The following SPAG16 variants were observed in gnomAD, a reference collection of about 807,000 sequenced individuals.
SPAG16 encodes the protein sperm associated antigen 16.
SPAG16 carries 86 observed loss-of-function variants against 80.4 expected under a neutral mutation model. The ratio of observed to expected loss-of-function variants is 1.07; its 90% CI spans 0.90 to 1.28. The LOEUF is 1.28. SPAG16 is among the 50% of genes most tolerant of loss of function. The pLI, the probability that SPAG16 is intolerant of heterozygous loss-of-function variation, is 0.00. For synonymous variants in SPAG16, 294 were observed against 265.9 expected, an observed-to-expected ratio of 1.11 and a Z score of -1.03; for missense variants, 870 against 765.3, an observed-to-expected ratio of 1.14 and a Z score of -1.61.
intron 15 of SPAG16, among the ~76,000 whole-genome samples, chr2:214,303,788 G>T (rs963843482): frequency 6.6e-6 from 1 of 151,526 alleles, no homozygotes; most frequent in Admixed American, 6.6e-5. Context: ...CAGTATTTAG[G>T]TTTTTTTTCC....
intron 9 of SPAG16, among the ~76,000 whole-genome samples, chr2:213,480,107 C>A (rs2125693909): frequency 6.6e-6 from 1 of 152,270 alleles, no homozygotes; most frequent in South Asian, 2.1e-4. Flanking sequence ...ATTATGGAAG[C>A]TTACAATAAG....
chr2:214,276,163 C>G (rs1038614026), intron 15 of SPAG16, among the ~76,000 whole-genome samples: 2 of 152,166 alleles, frequency 1.3e-5, no homozygotes, highest in Non-Finnish European at 2.9e-5. Flanking sequence ...CTTCCTCCAT[C>G]CATTTATTTT....
At chr2:214,052,509 C>T (rs1477005656) in intron 13 of SPAG16, among the ~76,000 whole-genome samples, 1 of 152,172 alleles carries the variant, frequency 6.6e-6, no homozygotes, top group Non-Finnish European at 1.5e-5. Flanking sequence ...GCCACAGACT[C>T]CACTGTTGAT....
chr2:213,318,449 A>G (rs538857898), intron 5 of SPAG16, among the ~76,000 whole-genome samples: 24 of 152,098 alleles, frequency 1.6e-4, no homozygotes, highest in African/African-American at 5.3e-4. Flanking sequence ...GAGCTAAGCA[A>G]TAAGTACATA....
chr2:213,556,693 GAA>G (rs2059437435), intron 10 of SPAG16, among the ~76,000 whole-genome samples: 2 of 152,128 alleles, frequency 1.3e-5, no homozygotes, highest in African/African-American at 4.8e-5. Context: ...ATCCAGACTA[GAA>G]AAATAATAAG....
intron 15 of SPAG16, among the ~76,000 whole-genome samples, chr2:214,333,638 G>C (rs972622086): frequency 1.3e-5 from 2 of 152,174 alleles, no homozygotes; most frequent in Non-Finnish European, 2.9e-5. Flanking sequence ...CTCTTCCAGA[G>C]AACATAATCA....
chr2:214,361,854 T>G (rs1912202), intron 15 of SPAG16, among the ~76,000 whole-genome samples: 111,924 of 151,788 alleles, frequency 0.74, 43,336 homozygotes, highest in South Asian at 0.87. Context: ...TCACCTCAAA[T>G]TATATTTCAC....
chr2:214,031,044 T>A (rs978875169), intron 13 of SPAG16, among the ~76,000 whole-genome samples: 3 of 152,178 alleles, frequency 2.0e-5, no homozygotes, highest in African/African-American at 7.2e-5. Flanking sequence ...GTTTCCAGTT[T>A]TTCTGCTCTG....
At chr2:213,332,698 A>C (rs1412186284) in intron 5 of SPAG16, among the ~76,000 whole-genome samples, 1 of 152,204 alleles carries the variant, frequency 6.6e-6, no homozygotes, top group Non-Finnish European at 1.5e-5. Context: ...GAATTATTCC[A>C]GGGATGCAAG....
chr2:213,960,495 C>G (rs1005468174), intron 12 of SPAG16, among the ~76,000 whole-genome samples: 2 of 152,008 alleles, frequency 1.3e-5, no homozygotes, highest in Admixed American at 1.3e-4. Flanking sequence ...AATGTGGTAA[C>G]TCTGGCAATC....
chr2:213,347,908 G>C (rs566263538), intron 6 of SPAG16, among the ~76,000 whole-genome samples: 1 of 152,062 alleles, frequency 6.6e-6, no homozygotes, highest in African/African-American at 2.4e-5. Context: ...AGGTCTGCTT[G>C]GTGTGGAGCT....
chr2:213,731,098 A>G (rs1166599950), intron 10 of SPAG16, among the ~76,000 whole-genome samples: 1 of 151,076 alleles, frequency 6.6e-6, no homozygotes, highest in Non-Finnish European at 1.5e-5. Context: ...AATATATTAT[A>G]CACAGTTAAT....
intron 10 of SPAG16, among the ~76,000 whole-genome samples, chr2:213,845,896 C>A (rs1041150690): frequency 8.5e-5 from 13 of 152,188 alleles, no homozygotes; most frequent in Admixed American, 2.0e-4. Context: ...TGTCTCTCAA[C>A]CTCCATCAGA....
chr2:214,397,597 T>C (rs1230783810), intron 15 of SPAG16, among the ~76,000 whole-genome samples: 1 of 152,180 alleles, frequency 6.6e-6, no homozygotes, highest in Non-Finnish European at 1.5e-5. Flanking sequence ...ATAGCCTCAC[T>C]GTAGATCAAG....
intron 10 of SPAG16, among the ~76,000 whole-genome samples, chr2:213,651,083 C>T (rs2063000214): frequency 6.6e-6 from 1 of 152,112 alleles, no homozygotes; most frequent in African/African-American, 2.4e-5. Flanking sequence ...AATTTAAAGC[C>T]ATGAGATTAT....
chr2:214,195,758 G>T (rs2057818006), intron 15 of SPAG16, among the ~76,000 whole-genome samples: 1 of 151,956 alleles, frequency 6.6e-6, no homozygotes, highest in African/African-American at 2.4e-5. Context: ...GCAAGTCTGA[G>T]ATTCCTATGA....
At chr2:213,910,439 C>T (rs923699840) in intron 11 of SPAG16, among the ~76,000 whole-genome samples, 4 of 151,888 alleles carry the variant, frequency 2.6e-5, no homozygotes, top group African/African-American at 9.7e-5. Context: ...ACAAAATAAT[C>T]CCAAATTTGA....
At chr2:213,412,294 A>G (rs918023704) in intron 9 of SPAG16, among the ~76,000 whole-genome samples, 18 of 152,234 alleles carry the variant, frequency 1.2e-4, no homozygotes, top group African/African-American at 4.3e-4. Context: ...CCTAGCCAAT[A>G]GGGGAACAAC....
intron 13 of SPAG16, among the ~76,000 whole-genome samples, chr2:214,100,731 T>G (rs6713588): frequency 0.15 from 23,573 of 152,146 alleles, 1,865 homozygotes; most frequent in East Asian, 0.17. Context: ...TCATTCTTTT[T>G]TACGCCTGAA....
Sources: allele counts gnomAD v4.1 joint callset (sites outside exome capture counted in the v4.1 genomes callset), GRCh38; gene constraint gnomAD v4.1.1; transcripts MANE v1.5; gene names NCBI Gene and HGNC (gene_info 2026-07-23, HGNC 2026-07-21).